Variants in ASTN2 observed in about 807,000 individuals in gnomAD.
ASTN2 encodes the protein astrotactin 2.
A neutral mutation model predicts 139.8 loss-of-function variants in ASTN2; 54 were observed. That is an observed-to-expected ratio of 0.39 (90% CI 0.31 to 0.48). The LOEUF (loss-of-function observed/expected upper bound fraction) is 0.48. ASTN2 is among the 20% of genes least tolerant of loss of function. The pLI is 0.95. For synonymous variants in ASTN2, 756 were observed against 719.5 expected, an observed-to-expected ratio of 1.05 and a Z score of -0.81; for missense variants, 1,565 against 1,725.1, an observed-to-expected ratio of 0.91 and a Z score of 1.64.
At chr9:116,932,489 G>T (rs527305297) in intron 10 of ASTN2, among the ~76,000 whole-genome samples, 26 of 152,264 alleles carry the variant, frequency 1.7e-4, no homozygotes, top group Admixed American at 5.2e-4. Flanking sequence ...AGCAGCTCCA[G>T]GTTTCCTCCT....
intron 22 of ASTN2, among the ~76,000 whole-genome samples, chr9:116,430,874 T>C (rs1847475459): frequency 1.3e-5 from 2 of 152,194 alleles, no homozygotes; most frequent in Admixed American, 6.5e-5. Context: ...GGCTAATAAA[T>C]TGTAGGCAAT....
chr9:117,344,966 C>T (rs1227456462), intron 1 of ASTN2, among the ~76,000 whole-genome samples: 1 of 152,042 alleles, frequency 6.6e-6, no homozygotes, highest in East Asian at 1.9e-4. Flanking sequence ...GCCGCCTGTA[C>T]AAGAGTGGGG....
At chr9:117,019,931 T>C (rs532445199) in intron 6 of ASTN2, among the ~76,000 whole-genome samples, 1 of 152,056 alleles carries the variant, frequency 6.6e-6, no homozygotes, top group Non-Finnish European at 1.5e-5. Context: ...AGGAAGCAAG[T>C]TGCCCGAAAA....
At chr9:117,391,701 T>C (rs761489256) in intron 1 of ASTN2, among the ~76,000 whole-genome samples, 5 of 152,020 alleles carry the variant, frequency 3.3e-5, no homozygotes, top group Non-Finnish European at 5.9e-5. Flanking sequence ...TTCCCAACAG[T>C]CCCCCAAAGT....
At chr9:117,342,302 C>T (rs996942008) in intron 1 of ASTN2, among the ~76,000 whole-genome samples, 2 of 152,130 alleles carry the variant, frequency 1.3e-5, no homozygotes, top group East Asian at 1.9e-4. Flanking sequence ...GTTGGCATGC[C>T]ACTTAGCCTC....
At chr9:116,489,193 G>A (rs1378890699) in intron 19 of ASTN2, among the ~76,000 whole-genome samples, 3 of 152,122 alleles carry the variant, frequency 2.0e-5, no homozygotes, top group African/African-American at 4.8e-5. Context: ...GTGTTGGCTC[G>A]TGTTTCAGAA....
At chr9:117,077,974 T>C (rs576993590) in intron 5 of ASTN2, among the ~76,000 whole-genome samples, 12 of 152,204 alleles carry the variant, frequency 7.9e-5, no homozygotes, top group Non-Finnish European at 1.6e-4. Context: ...CTCAGAATTG[T>C]CTTGCTTATG....
intron 5 of ASTN2, among the ~76,000 whole-genome samples, chr9:117,043,854 G>T (rs1201465697): frequency 6.7e-6 from 1 of 148,216 alleles, no homozygotes; most frequent in African/African-American, 2.5e-5. Context: ...GTTGCAATGA[G>T]CTGAGATCGC....
At chr9:116,648,641 A>AG (rs1434369379) in intron 17 of ASTN2, among the ~76,000 whole-genome samples, 4 of 152,278 alleles carry the variant, frequency 2.6e-5, no homozygotes, top group East Asian at 1.9e-4. Flanking sequence ...CTCATTGTTG[A>AG]GCCATGCATG....
chr9:116,503,068 A>G (rs2119149209), intron 19 of ASTN2, among the ~76,000 whole-genome samples: 1 of 150,114 alleles, frequency 6.7e-6, no homozygotes, highest in East Asian at 2.0e-4. Context: ...AAAGGAAGGA[A>G]GGAAGGAGGG....
chr9:116,610,074 T>A (rs1239413623), intron 19 of ASTN2, among the ~76,000 whole-genome samples: 5 of 151,984 alleles, frequency 3.3e-5, no homozygotes, highest in Non-Finnish European at 7.4e-5. Context: ...AAAAGAAAGA[T>A]GATAACCTTA....
chr9:116,446,328 T>A (rs1847999555), intron 20 of ASTN2, among the ~76,000 whole-genome samples: 1 of 139,712 alleles, frequency 7.2e-6, no homozygotes, highest in Non-Finnish European at 1.5e-5. Context: ...ACCTCTGAGT[T>A]TCTTGAGATC....
chr9:116,962,896 G>C (rs1199516722), intron 10 of ASTN2, among the ~76,000 whole-genome samples: 1 of 152,120 alleles, frequency 6.6e-6, no homozygotes, highest in Non-Finnish European at 1.5e-5. Flanking sequence ...CAATTTAGTA[G>C]TAATATCAAA....
At chr9:116,988,735 A>T (rs1332354717) in intron 7 of ASTN2, among the ~76,000 whole-genome samples, 1 of 152,156 alleles carries the variant, frequency 6.6e-6, no homozygotes, top group Non-Finnish European at 1.5e-5. Context: ...TGTCTCATCA[A>T]AATGCCCTTT....
intron 19 of ASTN2, among the ~76,000 whole-genome samples, chr9:116,506,398 A>G (rs1455929261): frequency 6.6e-6 from 1 of 152,164 alleles, no homozygotes; most frequent in Non-Finnish European, 1.5e-5. Flanking sequence ...TGTATTTCCT[A>G]TTATTGCTCC....
intron 6 of ASTN2, among the ~76,000 whole-genome samples, chr9:117,014,568 C>T (rs1042385658): frequency 4.6e-5 from 7 of 152,128 alleles, no homozygotes; most frequent in African/African-American, 1.7e-4. Flanking sequence ...CAACCCCAGC[C>T]TTCTTCTATT....
chr9:117,054,498 C>T (rs1444011027), intron 5 of ASTN2, among the ~76,000 whole-genome samples: 1 of 152,094 alleles, frequency 6.6e-6, no homozygotes, highest in Non-Finnish European at 1.5e-5. Context: ...GGTAGTGGGC[C>T]AATAAACAGA....
intron 19 of ASTN2, among the ~76,000 whole-genome samples, chr9:116,605,572 T>C (rs1855149927): frequency 6.6e-6 from 1 of 152,096 alleles, no homozygotes; most frequent in East Asian, 1.9e-4. Flanking sequence ...CTTCTGATCC[T>C]TACACTGAGG....
Position 116,429,339 on chromosome 9 carries a change from G to GAAAAAA in ASTN2, c.3783-3257_3783-3252dup, listed in dbSNP as rs34731241. Reference sequence around the variant, plus strand: ...GGGCAACAATAGCGAAACTCTATCTGAAAAAAAAAAAAAAAAAAAAAGTAA... The same window carrying GAAAAAA: ...GGGCAACAATAGCGAAACTCTATCTGAAAAAAAAAAAAAAAAAAAAAAAAAAAGTAA... On this transcript the variant is annotated intron_variant, in intron 22 of 22. Coordinates refer to ENST00000313400, the MANE Select transcript of ASTN2 (RefSeq NM_001365068.1). Among the ~76,000 whole-genome samples, 32 of 90,838 alleles carry GAAAAAA rather than the reference G, an allele frequency of 3.5e-4. 2 individuals are homozygous for GAAAAAA. Among genetic ancestry groups the GAAAAAA allele is most frequent in the Middle Eastern group, 8.9e-3 (1 of 112 alleles). 59.6% of individuals were successfully genotyped at this position (90,838 alleles called of 152,430 possible).
Sources: gnomAD v4.1 joint callset for allele counts (sites outside exome capture counted in the v4.1 genomes callset) on GRCh38, gnomAD v4.1.1 for gene constraint, MANE v1.5 for transcripts, NCBI Gene and HGNC (gene_info 2026-07-23, HGNC 2026-07-21) for gene names.